KCNB2: variants seen among roughly 807,000 people sequenced by gnomAD.
KCNB2 encodes delayed rectifier potassium channel protein.
KCNB2 carries 15 observed loss-of-function variants against 61.5 expected under a neutral mutation model. The ratio of observed to expected loss-of-function variants is 0.24; its 90% CI spans 0.16 to 0.38. The LOEUF is 0.38. KCNB2 is among the 10% of genes least tolerant of loss of function. The pLI is 1.00. For missense variants in KCNB2, 828 were observed against 1,125.2 expected, an observed-to-expected ratio of 0.74 and a Z score of 3.78; for synonymous variants, 457 against 446.0, an observed-to-expected ratio of 1.02 and a Z score of -0.31.
At chr8:72,741,260 T>A (rs532843255) in intron 2 of KCNB2, among the ~76,000 whole-genome samples, 181 of 152,288 alleles carry the variant, frequency 1.2e-3, no homozygotes, top group African/African-American at 4.1e-3. Context: ...GAATGTTCCA[T>A]GTACCTTTGT....
At chr8:72,762,553 G>A (rs1563583188) in intron 2 of KCNB2, among the ~76,000 whole-genome samples, 1 of 152,106 alleles carries the variant, frequency 6.6e-6, no homozygotes, top group Admixed American at 6.5e-5. Context: ...GGTACACAAT[G>A]TCTTCACACC....
chr8:72,604,722 A>G (rs1238554953), intron 2 of KCNB2, among the ~76,000 whole-genome samples: 1 of 152,202 alleles, frequency 6.6e-6, no homozygotes, highest in Admixed American at 6.5e-5. Context: ...AGTTCATTCT[A>G]TATTTTTCTG....
chr8:72,691,951 A>C (rs1806946055), intron 2 of KCNB2, among the ~76,000 whole-genome samples: 1 of 152,132 alleles, frequency 6.6e-6, no homozygotes, highest in Non-Finnish European at 1.5e-5. Context: ...TAAAATTGGA[A>C]GCTGGCCGGG....
At position 72,840,909 on chromosome 8, in the gene KCNB2, T is replaced by A. The variant is rs112754920; in HGVS notation, c.580-95026T>A. On this transcript the variant is annotated intron_variant, in intron 2 of 2. Transcript: ENST00000523207. ...CTGTACGGAAGCTCTTTAGTTTAAT[T>A]AGGTCCCATTTGTCAATTTTGGCTT... is the stretch of plus-strand genomic sequence containing the variant. Among the ~76,000 whole-genome samples the A allele has an allele frequency of 3.7e-3, 561 of 152,310 alleles. 9 individuals carry two copies. Among genetic ancestry groups the A allele is most frequent in the African/African-American group, 0.01 (435 of 41,564 alleles).
chr8:72,894,155 A>G (rs535650655), intron 2 of KCNB2, among the ~76,000 whole-genome samples: 1 of 152,298 alleles, frequency 6.6e-6, no homozygotes, highest in African/African-American at 2.4e-5. Flanking sequence ...GATCCAAATG[A>G]CAAGGAGGAG....
At chr8:72,731,885 G>C (rs1277975630) in intron 2 of KCNB2, among the ~76,000 whole-genome samples, 1 of 152,142 alleles carries the variant, frequency 6.6e-6, no homozygotes, top group Non-Finnish European at 1.5e-5. Flanking sequence ...TGTGAGTCTG[G>C]GGCCACTTTG....
At chr8:72,782,343 C>T (rs183538312) in intron 2 of KCNB2, among the ~76,000 whole-genome samples, 43 of 152,146 alleles carry the variant, frequency 2.8e-4, no homozygotes, top group South Asian at 4.2e-4. Context: ...TATCCTGAGA[C>T]GGCAGACACA....
chr8:72,756,013 G>T lies in KCNB2; in HGVS notation c.580-179922G>T, dbSNP rs544556700. ...GCTGTACATATGATGCTGCTTTCTG[G>T]CCATGACTACCAGAAAAGGTCTGGA... On this transcript the variant is annotated intron_variant, in intron 2 of 2. Coordinates refer to ENST00000523207, the MANE Select transcript of KCNB2 (RefSeq NM_004770.3). 2.0e-5 allele frequency among the ~76,000 whole-genome samples: 3 copies of T among 152,272 alleles called. No homozygotes were observed. The South Asian group carries it at 6.2e-4, about 32-fold the overall frequency.
intron 2 of KCNB2, among the ~76,000 whole-genome samples, chr8:72,906,072 T>C (rs1221344819): frequency 6.6e-6 from 1 of 152,242 alleles, no homozygotes; most frequent in Non-Finnish European, 1.5e-5. Context: ...GTCAAGCAGC[T>C]CGAAAGCTGC....
At chr8:72,818,377 A>G (rs1809439522) in intron 2 of KCNB2, among the ~76,000 whole-genome samples, 1 of 152,188 alleles carries the variant, frequency 6.6e-6, no homozygotes, top group Non-Finnish European at 1.5e-5. Flanking sequence ...ATTTGGAGTA[A>G]TTATGTAATA....
intron 1 of KCNB2, among the ~76,000 whole-genome samples, chr8:72,558,864 G>T (rs1032871380): frequency 6.6e-6 from 1 of 152,070 alleles, no homozygotes; most frequent in South Asian, 2.1e-4. Flanking sequence ...TTATTGGATC[G>T]TCAGGGAGGT....
chr8:72,668,608 C>T (rs1305861178), intron 2 of KCNB2, among the ~76,000 whole-genome samples: 1 of 152,152 alleles, frequency 6.6e-6, no homozygotes, highest in Non-Finnish European at 1.5e-5. Context: ...GCCTCCTCCT[C>T]GTTCTTCAGA....
chr8:72,545,471 G>T (rs140027575), intron 1 of KCNB2, among the ~76,000 whole-genome samples: 1 of 152,212 alleles, frequency 6.6e-6, no homozygotes, highest in African/African-American at 2.4e-5. Flanking sequence ...GCTGATCCAT[G>T]ATCAGTGATA....
chr8:72,546,108 A>C (rs748866359), intron 1 of KCNB2, among the ~76,000 whole-genome samples: 1 of 152,144 alleles, frequency 6.6e-6, no homozygotes, highest in African/African-American at 2.4e-5. Context: ...TCTTAGAAGA[A>C]ATTCTTTGTT....
At chr8:72,562,159 T>C (rs10957607) in intron 1 of KCNB2, among the ~76,000 whole-genome samples, 39,718 of 151,896 alleles carry the variant, frequency 0.26, 6,660 homozygotes, top group Admixed American at 0.36. Flanking sequence ...ACTTACAACT[T>C]TAGAAAGGTT....
At chr8:72,916,082 G>A (rs1013328293) in intron 2 of KCNB2, among the ~76,000 whole-genome samples, 2 of 152,174 alleles carry the variant, frequency 1.3e-5, no homozygotes, top group Non-Finnish European at 2.9e-5. Context: ...ACTGGTCTCA[G>A]GAGACCATTT....
At chr8:72,635,874 C>G (rs1489221) in intron 2 of KCNB2, among the ~76,000 whole-genome samples, 1 of 152,074 alleles carries the variant, frequency 6.6e-6, no homozygotes, top group Non-Finnish European at 1.5e-5. Context: ...TAGAGAGAAT[C>G]GGTCTGATTT....
intron 2 of KCNB2, among the ~76,000 whole-genome samples, chr8:72,826,996 A>G (rs956374884): frequency 1.3e-5 from 2 of 152,250 alleles, no homozygotes. Flanking sequence ...AAACAGTGGT[A>G]AACATTTCTT....
intron 2 of KCNB2, among the ~76,000 whole-genome samples, chr8:72,634,420 C>T (rs1204997564): frequency 1.3e-5 from 2 of 152,172 alleles, no homozygotes; most frequent in Non-Finnish European, 2.9e-5. Flanking sequence ...ATATTTCTAA[C>T]CACTTCCCAG....
Sources: gnomAD v4.1 joint callset for allele counts (sites outside exome capture counted in the v4.1 genomes callset) on GRCh38, gnomAD v4.1.1 for gene constraint, MANE v1.5 for transcripts, NCBI Gene and HGNC (gene_info 2026-07-23, HGNC 2026-07-21) for gene names.